Variants in HERC2 observed in about 807,000 individuals in gnomAD.
The protein encoded by HERC2 is HECT and RLD domain containing E3 ubiquitin protein ligase 2, also known as E3 ubiquitin-protein ligase HERC2.
Under a neutral mutation model 537.7 loss-of-function variants are expected in HERC2, and 102 were observed. The observed-to-expected ratio is 0.19, with a 90% CI of 0.16 to 0.22. The LOEUF is 0.22. Ranked by LOEUF, HERC2 falls within the 10% of genes least tolerant of loss-of-function variation. The pLI, the probability that HERC2 is intolerant of heterozygous loss-of-function variation, is 1.00. For synonymous variants in HERC2, 2,224 were observed against 2,466.2 expected (o/e 0.90, Z 2.91); for missense variants, 4,236 against 6,198.2 (o/e 0.68, Z 10.63).
rs759776491 is a variant in HERC2 at position 28,256,233 on chromosome 15, T to C, written c.2602A>G (p.Thr868Ala). 31 of 1,599,508 alleles carry C rather than the reference T, an allele frequency of 1.9e-5. No individual in the cohort carries two copies. In the Admixed American group the frequency reaches 5.2e-4, roughly 27 times the overall value. Residue 868 changes from threonine (T) to alanine (A), a missense_variant, in exon 18 of 93, where the codon ACG becomes GCG. Physicochemically the swap from Thr to Ala is moderately conservative, Grantham distance 58. Coordinates refer to ENST00000261609, the MANE Select transcript of HERC2 (RefSeq NM_004667.6). ...GSILLNSLKQ[T>A]VVTLASSAGV... The stretch of plus-strand genomic sequence containing the variant: ...GCACTGCTGGCCAGGGTCACCACCG[T>C]CTGCTTCAGGCTGTTCAGGAGGATG...
chr15:28,273,425 C>A (rs1056232059), intron 7 of HERC2, among the ~76,000 whole-genome samples: 1 of 152,196 alleles, frequency 6.6e-6, no homozygotes, highest in Admixed American at 6.5e-5. Context: ...AAAATGTCAA[C>A]ACTAATTTCT....
chr15:28,119,399 C>A (rs1888633445), intron 86 of HERC2, among the ~76,000 whole-genome samples: 1 of 133,928 alleles, frequency 7.5e-6, no homozygotes. Flanking sequence ...GACTCCCTCT[C>A]AAAAAAAAAA....
At chr15:28,239,999 A>G (rs1243390646) in intron 23 of HERC2, among the ~76,000 whole-genome samples, 1 of 152,218 alleles carries the variant, frequency 6.6e-6, no homozygotes, top group Admixed American at 6.5e-5. Flanking sequence ...CATGGATTGC[A>G]TGTTAGATTA....
intron 68 of HERC2, among the ~76,000 whole-genome samples, chr15:28,166,842 G>A (rs1472848905): frequency 1.3e-5 from 2 of 152,070 alleles, no homozygotes; most frequent in Non-Finnish European, 2.9e-5. Context: ...CAATAACCAA[G>A]TCCAGGACCA....
intron 23 of HERC2, among the ~76,000 whole-genome samples, chr15:28,239,471 T>C (rs1902823742): frequency 6.7e-6 from 1 of 149,896 alleles, no homozygotes; most frequent in South Asian, 2.2e-4. Flanking sequence ...AAGCTTAGAT[T>C]ATGTCCTTCC....
intron 2 of HERC2, among the ~76,000 whole-genome samples, chr15:28,305,031 C>A (rs2076746434): frequency 6.7e-6 from 1 of 149,560 alleles, no homozygotes; most frequent in Non-Finnish European, 1.5e-5. Context: ...CATGTCCCTA[C>A]AAAGGACATG....
intron 86 of HERC2, among the ~76,000 whole-genome samples, chr15:28,119,367 T>A (rs2142072977): frequency 7.1e-6 from 1 of 141,054 alleles, no homozygotes; most frequent in African/African-American, 2.9e-5. Flanking sequence ...ACCACTGTAC[T>A]CCAGGCTGGG....
In HERC2 at chr15:28,176,481, C is replaced by G; in HGVS notation, c.9633G>C (p.Glu3211Asp). The stretch of plus-strand genomic sequence containing the variant: ...GCGCCAGGGAGAACTGAGCTCCACA[C>G]TCAATCTGGCACACCCCCTGTCCAT... ...RLNGQGVCQI[E>D]CGAQFSLALT... Residue 3211 changes from glutamate (E) to aspartate (D), a missense_variant, in exon 63 of 93, where the codon GAG becomes GAC. Physicochemically the swap from Glu to Asp is conservative, Grantham distance 45 (BLOSUM62 2). Around this residue, in one of 27 missense-constraint regions of HERC2, gnomAD observed 93 missense variants for 265.1 expected, o/e 0.35. Transcript: ENST00000261609. The surrounding 1 kb of genome is among the most constrained non-coding windows in gnomAD (Gnocchi z 5.0). 3 of 1,614,192 alleles carry G rather than the reference C, an allele frequency of 1.9e-6. No homozygotes were observed. The highest frequency in any genetic ancestry group is 2.5e-6 in the Non-Finnish European group (3 of 1,180,038).
intron 68 of HERC2, among the ~76,000 whole-genome samples, chr15:28,167,109 A>G (rs1274915026): frequency 1.3e-5 from 2 of 152,250 alleles, no homozygotes; most frequent in African/African-American, 4.8e-5. Context: ...ACTGGGAGGT[A>G]AAAGTATGAT....
At chr15:28,187,088 G>A (rs1015961608) in intron 55 of HERC2, among the ~76,000 whole-genome samples, 1 of 152,128 alleles carries the variant, frequency 6.6e-6, no homozygotes, top group Non-Finnish European at 1.5e-5. Context: ...CTTTAACTAA[G>A]GAAGATATTA....
chr15:28,236,266 ATTT>A (rs1201325426), intron 26 of HERC2, among the ~76,000 whole-genome samples: 9 of 150,276 alleles, frequency 6.0e-5, no homozygotes, highest in African/African-American at 2.2e-4. Flanking sequence ...TATTATTATT[ATTT>A]TTATCATCAT....
At chr15:28,118,323 C>T (rs1243425347) in intron 86 of HERC2, 2 of 152,716 alleles carry the variant, frequency 1.3e-5, no homozygotes, top group Non-Finnish European at 2.9e-5. Flanking sequence ...ACGACACCCA[C>T]TAGTAGAGGC....
intron 15 of HERC2, among the ~76,000 whole-genome samples, chr15:28,262,115 T>G (rs534837258): frequency 2.6e-5 from 4 of 152,188 alleles, no homozygotes; most frequent in Admixed American, 1.3e-4. Context: ...TCACACTGCC[T>G]TTTCCCTTCT....
rs557061893 is a variant in HERC2 at position 28,176,594 on chromosome 15, C to T, written c.9520G>A (p.Val3174Ile). ...AAGTCACCATCACCCCAGGAAAATA[C>T]CAAACCTAGGTTTAAGAAACACATA... The part of the protein sequence containing the change: ...QTLALTDEGL[V>I]FSWGDGDFGK... The change falls in exon 63 of 93, where the codon GTA becomes ATA. Residue 3174 changes from valine to isoleucine, a missense_variant. Transcript: ENST00000261609. The surrounding 1 kb of genome is among the most constrained non-coding windows in gnomAD (Gnocchi z 5.0). The T allele has an allele frequency of 6.2e-7, 1 of 1,614,158 alleles. No homozygotes were observed. Among genetic ancestry groups the T allele is most frequent in the Admixed American group, 1.7e-5 (1 of 60,028 alleles).
intron 69 of HERC2, 93 bp downstream of exon 69, chr15:28,163,001 C>A: frequency 1.9e-6 from 2 of 1,066,926 alleles, no homozygotes; most frequent in South Asian, 3.0e-5. Flanking sequence ...AGCACAAGAT[C>A]ACCGGTGATC....
chr15:28,197,793 A>G (rs964819751), intron 50 of HERC2, among the ~76,000 whole-genome samples: 2 of 152,180 alleles, frequency 1.3e-5, no homozygotes, highest in African/African-American at 4.8e-5. Flanking sequence ...TCAATGTTAG[A>G]ACATTTCACA....
chr15:28,270,624 G>C (rs1165101815), intron 10 of HERC2, 71 bp downstream of exon 10: 2 of 1,466,842 alleles, frequency 1.4e-6, no homozygotes, highest in Non-Finnish European at 9.4e-7. Flanking sequence ...TCTCCACACG[G>C]GCCCAGGATG....
chr15:28,246,660 C>A, intron 22 of HERC2, 82 bp downstream of exon 22: 1 of 1,206,592 alleles, frequency 8.3e-7, no homozygotes, highest in Non-Finnish European at 1.1e-6. Context: ...TAAATGCAGG[C>A]ATGCTGATCA....
intron 68 of HERC2, among the ~76,000 whole-genome samples, chr15:28,166,088 C>T (rs891332355): frequency 6.6e-6 from 1 of 152,110 alleles, no homozygotes; most frequent in Non-Finnish European, 1.5e-5. Context: ...AAAATTCTAC[C>T]AACTACTTAA....
Sources: gnomAD v4.1 joint callset for allele counts (sites outside exome capture counted in the v4.1 genomes callset) on GRCh38, gnomAD v4.1.1 for gene constraint, gnomAD v4.1.1 regional missense constraint, Gnocchi (gnomAD v3.1) non-coding constraint, MANE v1.5 for transcripts, NCBI Gene and HGNC (gene_info 2026-07-23, HGNC 2026-07-21) for gene names.